MTAP: variants seen among roughly 807,000 people sequenced by gnomAD.
MTAP encodes S-methyl-5'-thioadenosine phosphorylase.
A neutral mutation model predicts 33.6 loss-of-function variants in MTAP; 33 were observed. The observed-to-expected ratio is 0.98, with a 90% CI of 0.74 to 1.31. The LOEUF is 1.31. Among genes scored for constraint, MTAP ranks in the 40% most tolerant of loss-of-function variants. The pLI is 0.00. For synonymous variants in MTAP, 148 were observed against 125.7 expected (o/e 1.18, Z -1.19); for missense variants, 367 against 360.0 (o/e 1.02, Z -0.16).
At position 21,816,780 on chromosome 9, in the gene MTAP, A is replaced by G; in HGVS notation, c.179+8A>G. On this transcript the variant is annotated splice_region_variant and intron_variant, in intron 3 of 7. Transcript: ENST00000644715. ...TTGCGTCCTCCTTGCAAGGTATGGT[A>G]TTTTAAGCTTTTTGGATGTTACTAC... The G allele has an allele frequency of 1.9e-6, 3 of 1,604,626 alleles. No individual in the cohort carries two copies. Among genetic ancestry groups the G allele is most frequent in the Non-Finnish European group, 2.6e-6 (3 of 1,175,936 alleles).
At chr9:21,826,580 G>A (rs537181780) in intron 4 of MTAP, among the ~76,000 whole-genome samples, 3 of 150,178 alleles carry the variant, frequency 2.0e-5, no homozygotes, top group Non-Finnish European at 3.0e-5. Flanking sequence ...TAATGCGATC[G>A]ATCAGGTGCC....
At chr9:21,815,164 A>C (rs1824444966) in intron 1 of MTAP, among the ~76,000 whole-genome samples, 1 of 152,206 alleles carries the variant, frequency 6.6e-6, no homozygotes, top group Non-Finnish European at 1.5e-5. Context: ...TGTAATTCAG[A>C]CAGTCAGAAG....
At chr9:21,881,723 CAG>C (rs929676517) in intron 1 of MTAP, among the ~76,000 whole-genome samples, 2 of 151,760 alleles carry the variant, frequency 1.3e-5, no homozygotes, top group Non-Finnish European at 2.9e-5. Flanking sequence ...TCAAAAAAAA[CAG>C]AAAATGTTGC....
chr9:21,854,972 T>TCAAA lies in MTAP; in HGVS notation c.690+102_690+103insCAAA, dbSNP rs536930940. ...ATTACGTTAGTTTCAGAAAGTGCCT[T>TCAAA]TCTACAAGGTTTTGAAGTTGTTAAT... On this transcript the variant is annotated intron_variant, in intron 6 of 7. Transcript: ENST00000644715. 1.0e-4 allele frequency: 151 copies of TCAAA among 1,454,422 alleles called. 2 individuals carry two copies. In the East Asian group the frequency reaches 3.1e-3, roughly 30 times the overall value. 90.1% of individuals were successfully genotyped at this position (1,454,422 alleles called of 1,614,324 possible). A position where few individuals can be genotyped will look rare whatever the true frequency, so the allele number is the denominator to read the frequency against.
intron 1 of MTAP, among the ~76,000 whole-genome samples, chr9:21,889,145 T>C (rs1344073245): frequency 1.3e-5 from 2 of 152,014 alleles, no homozygotes; most frequent in African/African-American, 4.8e-5. Flanking sequence ...TAACATAATC[T>C]CAAACTTTTT....
chr9:21,811,881 G>A (rs1248731743), intron 1 of MTAP: 1 of 397,994 alleles, frequency 2.5e-6, no homozygotes, highest in Non-Finnish European at 5.0e-6. Flanking sequence ...TAGCCCTGAG[G>A]GTGGGAAGTC....
downstream of MTAP, among the ~76,000 whole-genome samples, chr9:21,938,130 TG>T (rs1417270873): frequency 6.6e-6 from 1 of 152,048 alleles, no homozygotes; most frequent in Non-Finnish European, 1.5e-5. Context: ...AAAAATTATC[TG>T]GGCATGGCGG....
At chr9:21,804,355 C>G (rs1824150215) in intron 1 of MTAP, among the ~76,000 whole-genome samples, 1 of 152,216 alleles carries the variant, frequency 6.6e-6, no homozygotes, top group Non-Finnish European at 1.5e-5. Flanking sequence ...TTAAAACAGT[C>G]TTACTTTAAT....
chr9:21,938,879 C>T (rs1313936810), downstream of MTAP, among the ~76,000 whole-genome samples: 1 of 152,086 alleles, frequency 6.6e-6, no homozygotes, highest in Non-Finnish European at 1.5e-5. Flanking sequence ...ATTTCCAGGA[C>T]TCTATTGGAA....
intron 1 of MTAP, among the ~76,000 whole-genome samples, chr9:21,924,667 G>C (rs1371675251): frequency 1.3e-5 from 2 of 152,190 alleles, no homozygotes; most frequent in Admixed American, 1.3e-4. Flanking sequence ...CAAGAGTGGA[G>C]CTTAGCTCAA....
intron 4 of MTAP, among the ~76,000 whole-genome samples, chr9:21,834,080 T>C (rs1825041593): frequency 6.6e-6 from 1 of 152,174 alleles, no homozygotes; most frequent in East Asian, 1.9e-4. Flanking sequence ...ATACCCTTGA[T>C]TTGAGGCCCA....
intron 5 of MTAP, among the ~76,000 whole-genome samples, chr9:21,842,354 C>G (rs1825267798): frequency 1.3e-5 from 2 of 152,154 alleles, no homozygotes; most frequent in South Asian, 4.1e-4. Flanking sequence ...TTGAGGAAAA[C>G]TTTGCTGGCC....
chr9:21,851,509 G>T (rs1372283599), intron 5 of MTAP, among the ~76,000 whole-genome samples: 1 of 152,164 alleles, frequency 6.6e-6, no homozygotes, highest in African/African-American at 2.4e-5. Flanking sequence ...TGCATTTCCA[G>T]TTGCACAAAG....
At chr9:21,897,103 T>C (rs1818308460) in intron 1 of MTAP, among the ~76,000 whole-genome samples, 1 of 152,042 alleles carries the variant, frequency 6.6e-6, no homozygotes. Context: ...CGTAATCCAT[T>C]ATATAAACAG....
At position 21,851,205 on chromosome 9, in the gene MTAP, A is replaced by G. The variant is rs998676713; in HGVS notation, c.451-3426A>G. On this transcript the variant is annotated intron_variant, in intron 5 of 7. Coordinates refer to ENST00000644715, the MANE Select transcript of MTAP (RefSeq NM_002451.4). ...GTCACTCCACAAGGAAAAAACCACA[A>G]CCTACTGAGGTCCTTGATAAAGGCA... is the stretch of plus-strand genomic sequence containing the variant. Among the ~76,000 whole-genome samples the G allele has an allele frequency of 1.2e-4, 19 of 152,142 alleles. 1 individual carries two copies. Among genetic ancestry groups the G allele is most frequent in the African/African-American group, 2.4e-4 (10 of 41,412 alleles).
intron 7 of MTAP, chr9:21,860,695 A>T (rs902416136): frequency 1.6e-4 from 24 of 152,042 alleles, no homozygotes; most frequent in African/African-American, 5.8e-4. Context: ...CAGAAATGTG[A>T]CTCCTACTTG....
chr9:21,844,773 A>T (rs11532907), intron 5 of MTAP, among the ~76,000 whole-genome samples: 16 of 152,102 alleles, frequency 1.1e-4, no homozygotes, highest in South Asian at 6.2e-4. Context: ...GGTGGCTCAC[A>T]CCTGTAATCC....
intron 1 of MTAP, among the ~76,000 whole-genome samples, chr9:21,884,047 A>G (rs1033077536): frequency 1.3e-5 from 2 of 152,116 alleles, no homozygotes; most frequent in African/African-American, 4.8e-5. Context: ...AAAAAATTGC[A>G]AGAAGTTTCT....
rs556333566 is a variant in MTAP at position 21,936,716 on chromosome 9, T to A, written c.*5517T>A. 3.3e-5 allele frequency: 5 copies of A among 152,318 alleles called. No homozygotes were observed. The East Asian group carries it at 9.6e-4, about 29-fold the overall frequency. The allele number at this position is 152,318 out of a possible 1,614,324, so 9.4% of individuals were successfully genotyped here. On this transcript the variant is annotated 3_prime_UTR_variant, in exon 8 of 8. Coordinates refer to the MTAP transcript ENST00000580900. Reference sequence around the variant, plus strand: ...GAATACCCCATAACCGTTCACAATTTCTTATTTCCTAGTTTTCACTAGAAA... The same window carrying A: ...GAATACCCCATAACCGTTCACAATTACTTATTTCCTAGTTTTCACTAGAAA...
Sources: allele counts gnomAD v4.1 joint callset (sites outside exome capture counted in the v4.1 genomes callset), GRCh38; gene constraint gnomAD v4.1.1; transcripts MANE v1.5; gene names NCBI Gene and HGNC (gene_info 2026-07-23, HGNC 2026-07-21).